Variants in SGIP1 observed in about 807,000 individuals in gnomAD.
SGIP1 encodes the protein SH3GL interacting endocytic adaptor 1.
SGIP1 carries 38 observed loss-of-function variants against 107.5 expected under a neutral mutation model. The ratio of observed to expected loss-of-function variants is 0.35; its 90% CI spans 0.27 to 0.46. The LOEUF (loss-of-function observed/expected upper bound fraction) is 0.46. Ranked by LOEUF, SGIP1 falls within the 20% of genes least tolerant of loss-of-function variation. The pLI is 1.00. For missense variants in SGIP1, 929 were observed against 1,019.5 expected (o/e 0.91, Z 1.21); for synonymous variants, 365 against 366.1 (o/e 1.00, Z 0.03).
chr1:66,637,845 A>ATATATACATACACAC (rs2076091341), intron 4 of SGIP1, among the ~76,000 whole-genome samples: 1 of 150,254 alleles, frequency 6.7e-6, no homozygotes, highest in Non-Finnish European at 1.5e-5. Flanking sequence ...ACATACACAC[A>ATATATACATACACAC]TATATACATA....
chr1:66,661,140 C>T (rs1025028286), intron 8 of SGIP1, among the ~76,000 whole-genome samples: 2 of 152,098 alleles, frequency 1.3e-5, no homozygotes, highest in Admixed American at 1.3e-4. Flanking sequence ...GTACCTACAT[C>T]GTTTTATTTT....
At chr1:66,642,174 T>A (rs1192171697) in intron 5 of SGIP1, among the ~76,000 whole-genome samples, 2 of 152,120 alleles carry the variant, frequency 1.3e-5, no homozygotes, top group African/African-American at 4.8e-5. Flanking sequence ...GCCTCCGTAG[T>A]CTCATCTCCC....
chr1:66,740,972 T>A (rs371267076), intron 23 of SGIP1, among the ~76,000 whole-genome samples: 6 of 152,216 alleles, frequency 3.9e-5, no homozygotes, highest in African/African-American at 1.4e-4. Context: ...CCATCCTGTG[T>A]CAGATTCCAC....
chr1:66,561,411 A>T (rs973452634), intron 1 of SGIP1, among the ~76,000 whole-genome samples: 1 of 152,018 alleles, frequency 6.6e-6, no homozygotes, highest in African/African-American at 2.4e-5. Flanking sequence ...CAGTTTGGTC[A>T]ATAAGCATGG....
At chr1:66,545,329 A>G (rs968881269) in intron 1 of SGIP1, among the ~76,000 whole-genome samples, 1 of 152,112 alleles carries the variant, frequency 6.6e-6, no homozygotes, top group African/African-American at 2.4e-5. Flanking sequence ...CCTTCTCTAT[A>G]TGGAAACAGT....
intron 1 of SGIP1, among the ~76,000 whole-genome samples, chr1:66,618,806 T>C (rs2149247086): frequency 6.6e-6 from 1 of 152,358 alleles, no homozygotes; most frequent in Admixed American, 6.5e-5. Flanking sequence ...TCGCATATCT[T>C]GTGAGAACAC....
At chr1:66,603,176 G>A (rs1392687118) in intron 1 of SGIP1, among the ~76,000 whole-genome samples, 2 of 152,144 alleles carry the variant, frequency 1.3e-5, no homozygotes, top group African/African-American at 4.8e-5. Flanking sequence ...GAAATAGAAT[G>A]TTCAGTTTTT....
At chr1:66,697,863 A>T (rs1308073274) in intron 18 of SGIP1, among the ~76,000 whole-genome samples, 1 of 152,138 alleles carries the variant, frequency 6.6e-6, no homozygotes, top group African/African-American at 2.4e-5. Flanking sequence ...TGCTTTATTA[A>T]ATAGGATTTC....
chr1:66,570,333 C>T (rs867299784), intron 1 of SGIP1, among the ~76,000 whole-genome samples: 8 of 151,856 alleles, frequency 5.3e-5, no homozygotes, highest in Admixed American at 1.3e-4. Context: ...AAAGTTGATT[C>T]CTCCATTGCT....
intron 1 of SGIP1, among the ~76,000 whole-genome samples, chr1:66,553,265 A>G (rs1037398258): frequency 1.3e-5 from 2 of 152,174 alleles, no homozygotes; most frequent in African/African-American, 4.8e-5. Context: ...AGAAGAATTC[A>G]GAATGACCCT....
At chr1:66,691,743 T>C (rs2089897924) in intron 17 of SGIP1, among the ~76,000 whole-genome samples, 2 of 152,186 alleles carry the variant, frequency 1.3e-5, no homozygotes, top group South Asian at 4.1e-4. Context: ...TGATTTGACT[T>C]GTCTGTCAGA....
At chr1:66,729,538 A>C (rs1488068843) in intron 20 of SGIP1, 119 bp downstream of exon 20, 1 of 1,284,652 alleles carries the variant, frequency 7.8e-7, no homozygotes, top group Non-Finnish European at 1.1e-6. Context: ...CCACTCAGAT[A>C]TATTTGTAGA....
intron 1 of SGIP1, among the ~76,000 whole-genome samples, chr1:66,545,495 T>C (rs921525263): frequency 6.6e-6 from 1 of 152,148 alleles, no homozygotes; most frequent in African/African-American, 2.4e-5. Context: ...TGAACATGTT[T>C]CCTCCTCAGG....
chr1:66,741,467 G>A lies in SGIP1; in HGVS notation c.2464+31G>A, dbSNP rs557628939. The A allele has an allele frequency of 2.0e-4, 300 of 1,534,362 alleles. 1 individual carries two copies. The South Asian group carries it at 3.5e-3, about 18-fold the overall frequency. On this transcript the variant is annotated intron_variant, in intron 24 of 24. Coordinates refer to ENST00000371037, the MANE Select transcript of SGIP1 (RefSeq NM_032291.4). ...TGAGTATCTTGATTTTTTCATTTGC[G>A]AAAATAATGTTGCCTTGGCTACTCT...
In SGIP1 at chr1:66,739,486, C is replaced by A; in HGVS notation, c.2183C>A (p.Pro728His). 6.2e-7 allele frequency: 1 copy of A among 1,614,112 alleles called. No homozygotes were observed. Among genetic ancestry groups the A allele is most frequent in the Non-Finnish European group, 8.5e-7 (1 of 1,180,024 alleles). Residue 728 changes from proline to histidine, a missense_variant, in exon 22 of 25, where the codon CCC becomes CAC. By Grantham distance (77) the Pro-to-His change is moderately conservative (BLOSUM62 -2). Around this residue, in one of 2 missense-constraint regions of SGIP1, gnomAD observed 341 missense variants for 430.9 expected, o/e 0.79. Coordinates refer to ENST00000371037, the MANE Select transcript of SGIP1 (RefSeq NM_032291.4). ...VALNNVQFLV[P>H]IDGGVTKLQA... ...CTCAACAATGTGCAGTTCCTGGTCC[C>A]CATCGACGGAGGAGTCACCAAGCTC...
At chr1:66,589,285 G>T (rs2063230964) in intron 1 of SGIP1, among the ~76,000 whole-genome samples, 1 of 138,232 alleles carries the variant, frequency 7.2e-6, no homozygotes, top group Admixed American at 7.5e-5. Flanking sequence ...GAAAAAGAAT[G>T]AATCAATTTA....
At chr1:66,617,799 T>G (rs937222585) in intron 1 of SGIP1, among the ~76,000 whole-genome samples, 4 of 152,202 alleles carry the variant, frequency 2.6e-5, no homozygotes, top group African/African-American at 7.2e-5. Flanking sequence ...ATAAGAAATG[T>G]GCAGCCTAAC....
chr1:66,624,210 C>T (rs1422382859), intron 1 of SGIP1, among the ~76,000 whole-genome samples: 2 of 151,986 alleles, frequency 1.3e-5, no homozygotes, highest in Non-Finnish European at 2.9e-5. Flanking sequence ...AAAGAGAAGC[C>T]AATTAGGAGA....
At chr1:66,653,447 A>G (rs1425386457) in intron 7 of SGIP1, among the ~76,000 whole-genome samples, 4 of 152,132 alleles carry the variant, frequency 2.6e-5, no homozygotes, top group Non-Finnish European at 4.4e-5. Context: ...TGCCTTTGTC[A>G]TGATTTCTCC....
Sources: gnomAD v4.1 joint callset for allele counts (sites outside exome capture counted in the v4.1 genomes callset) on GRCh38, gnomAD v4.1.1 for gene constraint, gnomAD v4.1.1 regional missense constraint, MANE v1.5 for transcripts, NCBI Gene and HGNC (gene_info 2026-07-23, HGNC 2026-07-21) for gene names.